TMC6: variants seen among roughly 807,000 people sequenced by gnomAD.
TMC6 encodes transmembrane channel like 6.
A neutral mutation model predicts 95.4 loss-of-function variants in TMC6; 71 were observed. The ratio of observed to expected loss-of-function variants is 0.74; its 90% CI spans 0.61 to 0.91. TMC6 has a LOEUF of 0.91. Among genes scored for constraint, TMC6 ranks in the 40% least tolerant of loss-of-function variants. The pLI, the probability that TMC6 is intolerant of heterozygous loss-of-function variation, is 0.00. For synonymous variants in TMC6, 514 were observed against 483.1 expected (o/e 1.06, Z -0.84); for missense variants, 1,074 against 1,079.1 (o/e 1.00, Z 0.07).
At chr17:78,126,705 C>T in intron 2 of TMC6, 57 bp from the exon 3 acceptor site, 1 of 1,611,916 alleles carries the variant, frequency 6.2e-7, no homozygotes, top group Non-Finnish European at 8.5e-7. Flanking sequence ...CTTCCAGCAG[C>T]CCCTGCTCAG....
chr17:78,124,705 A>G lies in TMC6; in HGVS notation c.710T>C (p.Ile237Thr). The change falls in exon 8 of 20, where the codon ATC becomes ACC. Residue 237 changes from isoleucine (I) to threonine (T), a missense_variant. By Grantham distance (89) the Ile-to-Thr change is moderately conservative (BLOSUM62 -1). Coordinates refer to ENST00000590602, the MANE Select transcript of TMC6 (RefSeq NM_001127198.5). ...LMPWRYALKR[I>T]GGQFGSSVLS... Reference sequence around the variant, plus strand: ...CACGCTGGAGCCGAACTGGCCCCCGATGCGCTTCAGGGCGTAGCGCCACGG... The same window carrying G: ...CACGCTGGAGCCGAACTGGCCCCCGGTGCGCTTCAGGGCGTAGCGCCACGG... 1 of 1,598,724 alleles carries G rather than the reference A, an allele frequency of 6.3e-7. No individual in the cohort carries two copies.
chr17:78,121,734 G>C lies in TMC6; in HGVS notation c.1228-23C>G. The C allele has an allele frequency of 6.4e-7, 1 of 1,561,462 alleles. No individual in the cohort carries two copies. Among genetic ancestry groups the C allele is most frequent in the Non-Finnish European group, 8.6e-7 (1 of 1,157,782 alleles). The stretch of plus-strand genomic sequence containing the variant: ...CTCCTGCAGGCGGCACCGTGTCCCC[G>C]TCACCCACACCAGAGCACGGGCACA... On this transcript the variant is annotated intron_variant, in intron 10 of 19. Coordinates refer to ENST00000590602, the MANE Select transcript of TMC6 (RefSeq NM_001127198.5). This position sits in a 1 kb window ranked among gnomAD's most constrained non-coding sequence, Gnocchi z 5.6.
At chr17:78,130,011 G>C (rs546244682), upstream of TMC6, among the ~76,000 whole-genome samples, 1 of 152,224 alleles carries the variant, frequency 6.6e-6, no homozygotes, top group African/African-American at 2.4e-5. Context: ...AGGCAGAAAA[G>C]CTATGAACAT....
chr17:78,124,562 C>T lies in TMC6; in HGVS notation c.853G>A (p.Ala285Thr), dbSNP rs1208223472. The T allele has an allele frequency of 6.2e-7, 1 of 1,611,842 alleles. No individual in the cohort carries two copies. Among genetic ancestry groups the T allele is most frequent in the South Asian group, 1.1e-5 (1 of 91,030 alleles). The part of the protein sequence containing the change: ...VAFPPALPGP[A>T]PVCTGLELLT... ...AGCTCCAGGCCTGTGCAGACGGGGG[C>T]AGGGCCCGGCAGGGCGGGTGGGAAG... The change falls in exon 8 of 20, where the codon GCC becomes ACC. Residue 285 changes from alanine (A) to threonine (T), a missense_variant. Coordinates refer to ENST00000590602, the MANE Select transcript of TMC6 (RefSeq NM_001127198.5).
In TMC6 at chr17:78,122,882, C is replaced by T. The variant is rs1296256222; in HGVS notation, c.1083-133G>A. The T allele has an allele frequency of 1.6e-6, 2 of 1,269,604 alleles. No homozygotes were observed. Among genetic ancestry groups the T allele is most frequent in the Non-Finnish European group, 2.2e-6 (2 of 907,286 alleles). The allele number at this position is 1,269,604 out of a possible 1,614,324, so 78.6% of individuals were successfully genotyped here. A position where few individuals can be genotyped will look rare whatever the true frequency, so the allele number is the denominator to read the frequency against. On this transcript the variant is annotated intron_variant, in intron 9 of 19. Transcript: ENST00000590602. This position sits in a 1 kb window ranked among gnomAD's most constrained non-coding sequence, Gnocchi z 4.9. ...GGAGCCATCTGGGCCCTGACTGGGCCTCCTGCCACACCCCTGCCCCACCAC... is the reference window on the plus strand; with the variant it reads ...GGAGCCATCTGGGCCCTGACTGGGCTTCCTGCCACACCCCTGCCCCACCAC...
chr17:78,109,223 T>C lies in TMC6; in HGVS notation c.*3925A>G. ...TGGCGTGCCAAGAAGGCTGTTCCAA[T>C]GGGGGAGAAGCCAGCAGACACAGAG... On this transcript the variant is annotated 3_prime_UTR_variant, in exon 20 of 20. Coordinates refer to ENST00000590602, the MANE Select transcript of TMC6 (RefSeq NM_001127198.5). 2.9e-6 allele frequency: 1 copy of C among 341,484 alleles called. No individual in the cohort carries two copies. 21.2% of individuals were successfully genotyped at this position (341,484 alleles called of 1,614,324 possible). A position where few individuals can be genotyped will look rare whatever the true frequency, so the allele number is the denominator to read the frequency against.
In TMC6 at chr17:78,117,465, CACA is replaced by C; in HGVS notation, c.2198_2198+2del. On this transcript the variant is annotated splice_donor_variant and coding_sequence_variant, in exon 17 of 20. Coordinates refer to ENST00000590602, the MANE Select transcript of TMC6 (RefSeq NM_001127198.5). LOFTEE classifies it high-confidence loss of function. Reference sequence around the variant, plus strand: ...CAGGGCCGCCCCCACCTGCGGGACTCACAGCAGCAGGGCTGACACCAGGAAGAC... The same window carrying C: ...CAGGGCCGCCCCCACCTGCGGGACTCGCAGCAGGGCTGACACCAGGAAGAC... 6.2e-7 allele frequency: 1 copy of C among 1,610,330 alleles called. No homozygotes were observed. Among genetic ancestry groups the C allele is most frequent in the Non-Finnish European group, 8.5e-7 (1 of 1,179,276 alleles).
Position 78,117,873 on chromosome 17 carries a change from G to T in TMC6, c.1950C>A (p.Thr650=). Residue 650 remains threonine, a synonymous_variant, in exon 16 of 20, where the codon ACC becomes ACA. Coordinates refer to ENST00000590602, the MANE Select transcript of TMC6 (RefSeq NM_001127198.5). ...GGAAGCAGAGCAGCGTGAGGAAGACGGTGCTCATGTGTGAGGCCAGCCAGG... is the reference window on the plus strand; with the variant it reads ...GGAAGCAGAGCAGCGTGAGGAAGACTGTGCTCATGTGTGAGGCCAGCCAGG... ...RRPWLASHMS[T]VFLTLLCFPA... 6.2e-7 allele frequency: 1 copy of T among 1,606,476 alleles called. No homozygotes were observed. The highest frequency in any genetic ancestry group is 8.5e-7 in the Non-Finnish European group (1 of 1,176,878).
rs2074608081 is a variant in TMC6, at chr17:78,124,711, T to TTCAGGGCGTAGCGCCAC, written c.687_703dup (p.Lys235SerfsTer6). On this transcript the variant is annotated stop_gained and frameshift_variant, in exon 8 of 20. Transcript: ENST00000590602. LOFTEE classifies it high-confidence loss of function. ...GGAGCCGAACTGGCCCCCGATGCGCTTCAGGGCGTAGCGCCACGGCATCAG... is the reference window on the plus strand; with the variant it reads ...GGAGCCGAACTGGCCCCCGATGCGCTTCAGGGCGTAGCGCCACTCAGGGCGTAGCGCCACGGCATCAG... 6.3e-7 allele frequency: 1 copy of TTCAGGGCGTAGCGCCAC among 1,596,420 alleles called. No homozygotes were observed. Among genetic ancestry groups the TTCAGGGCGTAGCGCCAC allele is most frequent in the Non-Finnish European group, 8.5e-7 (1 of 1,172,116 alleles).
At position 78,126,535 on chromosome 17, in the gene TMC6, C is replaced by G. The variant is rs1036125960; in HGVS notation, c.170G>C (p.Arg57Pro). The G allele has an allele frequency of 6.2e-7, 1 of 1,613,508 alleles. No individual in the cohort carries two copies. Residue 57 changes from arginine (R) to proline (P), a missense_variant, in exon 3 of 20, where the codon CGG becomes CCG. Physicochemically the swap from Arg to Pro is moderately radical, Grantham distance 103. Coordinates refer to ENST00000590602, the MANE Select transcript of TMC6 (RefSeq NM_001127198.5). ...QEGLELQQRE[R>P]EVTGSSQQTL... is the part of the protein sequence containing the mutation. ...AGGCCTGAGCTCACCTGTCACCTCCCGCTCTCTCTGCTGCAGCTCCAGCCC... is the reference window on the plus strand; with the variant it reads ...AGGCCTGAGCTCACCTGTCACCTCCGGCTCTCTCTGCTGCAGCTCCAGCCC...
rs2073806391 is a variant in TMC6 at position 78,110,610 on chromosome 17, C to G, written c.*2538G>C. ...TCCCTGGTAGATTCCGTTGTGCAGC[C>G]CAGGCCGAGAAGCATCGCGGAGTCT... On this transcript the variant is annotated 3_prime_UTR_variant, in exon 20 of 20. Transcript: ENST00000590602. 2.6e-5 allele frequency: 4 copies of G among 152,232 alleles called. No homozygotes were observed. Among genetic ancestry groups the G allele is most frequent in the Non-Finnish European group, 5.9e-5 (4 of 68,056 alleles). The allele number at this position is 152,232 out of a possible 1,614,324, so 9.4% of individuals were successfully genotyped here.
rs1050295330 is a variant in TMC6 at position 78,119,282 on chromosome 17, G to A, written c.1811+15C>T. 16 of 1,613,684 alleles carry A rather than the reference G, an allele frequency of 9.9e-6. No individual in the cohort carries two copies. The Admixed American group carries it at 1.0e-4, about 10-fold the overall frequency. On this transcript the variant is annotated intron_variant, in intron 14 of 19. Coordinates refer to ENST00000590602, the MANE Select transcript of TMC6 (RefSeq NM_001127198.5). ...CGAGGGGCCAGACAGTAGGAGGCAA[G>A]CAGAGGACCCTCACCAGGTCAGAGT...
intron 4 of TMC6, 129 bp downstream of exon 4, chr17:78,126,148 T>G: frequency 7.4e-7 from 1 of 1,350,342 alleles, no homozygotes; most frequent in South Asian, 1.4e-5. Context: ...GAGCCCGCCC[T>G]GGGCCTGGCT....
rs1355827334 is a variant in TMC6, at chr17:78,112,201, G to C, written c.*947C>G. ...GGAGCACTGGGGTCATGACGGGCTG[G>C]TCCCCGCAGGCCTGGAGAACTGAGG... On this transcript the variant is annotated 3_prime_UTR_variant, in exon 20 of 20. Coordinates refer to ENST00000590602, the MANE Select transcript of TMC6 (RefSeq NM_001127198.5). 3 of 243,982 alleles carry C rather than the reference G, an allele frequency of 1.2e-5. No individual in the cohort carries two copies. The highest frequency in any genetic ancestry group is 2.4e-5 in the Non-Finnish European group (3 of 122,956). 15.1% of individuals were successfully genotyped at this position (243,982 alleles called of 1,614,324 possible).
chr17:78,109,224 G>C lies in TMC6; in HGVS notation c.*3924C>G, dbSNP rs564783491. 8.7e-6 allele frequency: 3 copies of C among 345,242 alleles called. No homozygotes were observed. The highest frequency in any genetic ancestry group is 6.4e-5 in the African/African-American group (3 of 46,614). 21.4% of individuals were successfully genotyped at this position (345,242 alleles called of 1,614,324 possible). On this transcript the variant is annotated 3_prime_UTR_variant, in exon 20 of 20. Transcript: ENST00000590602. ...GGCGTGCCAAGAAGGCTGTTCCAAT[G>C]GGGGAGAAGCCAGCAGACACAGAGG... is the stretch of plus-strand genomic sequence containing the variant.
chr17:78,126,408 A>G (rs2145418138), intron 3 of TMC6, 42 bp from the exon 4 acceptor site: 1 of 1,603,328 alleles, frequency 6.2e-7, no homozygotes, highest in Non-Finnish European at 8.5e-7. Flanking sequence ...TGGAGATGCC[A>G]TTGGCCACAG....
Position 78,113,224 on chromosome 17 carries a change from G to A in TMC6, c.2355-13C>T. The A allele has an allele frequency of 6.4e-7, 1 of 1,551,280 alleles. No individual in the cohort carries two copies. The highest frequency in any genetic ancestry group is 8.7e-7 in the Non-Finnish European group (1 of 1,146,316). ...GGTTGTCCCAACCCTGCCAGAAAGA[G>A]ACATCACTGAGGGGACCCCATAAAC... On this transcript the variant is annotated splice_polypyrimidine_tract_variant and intron_variant, in intron 19 of 19. Transcript: ENST00000590602.
chr17:78,114,603 G>A (rs550320284), intron 18 of TMC6, among the ~76,000 whole-genome samples: 3 of 152,044 alleles, frequency 2.0e-5, no homozygotes, highest in Admixed American at 6.6e-5. Flanking sequence ...TTCCCCGCCC[G>A]GAGCTTCACA....
chr17:78,119,127 G>A (rs545611492), intron 14 of TMC6, 81 bp from the exon 15 acceptor site: 2 of 1,513,296 alleles, frequency 1.3e-6, no homozygotes. Flanking sequence ...CCACGGGCAG[G>A]GCATGTGACA....
Sources: allele counts gnomAD v4.1 joint callset (sites outside exome capture counted in the v4.1 genomes callset), GRCh38; gene constraint gnomAD v4.1.1; non-coding constraint Gnocchi (gnomAD v3.1); transcripts MANE v1.5; gene names NCBI Gene and HGNC (gene_info 2026-07-23, HGNC 2026-07-21).